ASXL3: variants seen among roughly 807,000 people sequenced by gnomAD.
The protein encoded by ASXL3 is putative Polycomb group protein ASXL3.
Under a neutral mutation model 170.6 loss-of-function variants are expected in ASXL3, and 34 were observed. The observed-to-expected ratio is 0.20, with a 90% confidence interval of 0.15 to 0.27. The LOEUF is 0.27. Ranked by LOEUF, ASXL3 falls within the 10% of genes least tolerant of loss-of-function variation. ASXL3 has a pLI of 1.00. For synonymous variants in ASXL3, 1,002 were observed against 989.1 expected, an observed-to-expected ratio of 1.01 and a Z score of -0.24; for missense variants, 2,592 against 2,695.3, an observed-to-expected ratio of 0.96 and a Z score of 0.85.
At chr18:33,703,667 C>G (rs1189261105) in intron 8 of ASXL3, among the ~76,000 whole-genome samples, 1 of 152,028 alleles carries the variant, frequency 6.6e-6, no homozygotes, top group Admixed American at 6.6e-5. Context: ...CCCCCAACCC[C>G]CACCCCCATC....
chr18:33,597,687 A>G (rs2065141091), intron 1 of ASXL3, among the ~76,000 whole-genome samples: 1 of 152,094 alleles, frequency 6.6e-6, no homozygotes, highest in African/African-American at 2.4e-5. Flanking sequence ...ACACTTGGAC[A>G]AGGAGGCATG....
intron 1 of ASXL3, among the ~76,000 whole-genome samples, chr18:33,591,892 C>T (rs1227971377): frequency 6.6e-6 from 1 of 152,060 alleles, no homozygotes; most frequent in Non-Finnish European, 1.5e-5. Flanking sequence ...CCGCCTGCCT[C>T]AGCCTCCCAA....
intron 1 of ASXL3, among the ~76,000 whole-genome samples, chr18:33,603,880 T>C (rs1345366566): frequency 1.3e-5 from 2 of 152,194 alleles, no homozygotes; most frequent in Admixed American, 1.3e-4. Context: ...TATGTAAAAA[T>C]TGAGCACTGT....
rs181535449 is a variant in ASXL3, at chr18:33,616,882, A to T, written c.137+9206A>T. On this transcript the variant is annotated intron_variant, in intron 2 of 11. Coordinates refer to ENST00000269197, the MANE Select transcript of ASXL3 (RefSeq NM_030632.3). ...ATTGGATCAGGGCCCCATCCTTAGG[A>T]CCTCATTTATCCTTAATCACTTCGC... Among the ~76,000 whole-genome samples the T allele has an allele frequency of 2.0e-4, 31 of 152,166 alleles. No homozygotes were observed. The East Asian group carries it at 3.5e-3, about 17-fold the overall frequency.
chr18:33,632,013 T>C (rs2065684783), intron 2 of ASXL3, among the ~76,000 whole-genome samples: 3 of 151,870 alleles, frequency 2.0e-5, no homozygotes, highest in African/African-American at 7.3e-5. Flanking sequence ...TGTTCAGGAG[T>C]TGGTATATTG....
At chr18:33,680,545 G>A (rs2066498850) in intron 7 of ASXL3, among the ~76,000 whole-genome samples, 1 of 151,990 alleles carries the variant, frequency 6.6e-6, no homozygotes, top group Non-Finnish European at 1.5e-5. Context: ...TCAGGTTTTG[G>A]TAATGTATGT....
At position 33,592,532 on chromosome 18, in the gene ASXL3, C is replaced by T. The variant is rs139092240; in HGVS notation, c.54+13847C>T. On this transcript the variant is annotated intron_variant, in intron 1 of 11. Transcript: ENST00000269197. ...TTATTTCTTTTCTGGTTGTATTGAT[C>T]GCAGAAGCCGGTGACAAGATGGAAT... is the stretch of plus-strand genomic sequence containing the variant. Among the ~76,000 whole-genome samples the T allele has an allele frequency of 5.1e-3, 769 of 152,104 alleles. 8 individuals are homozygous for T. Among genetic ancestry groups the T allele is most frequent in the African/African-American group, 0.017 (703 of 41,500 alleles).
At chr18:33,646,216 A>C (rs757492635) in intron 3 of ASXL3, 29 bp from the exon 4 acceptor site, 1 of 1,579,772 alleles carries the variant, frequency 6.3e-7, no homozygotes, top group Non-Finnish European at 8.7e-7. Flanking sequence ...CATCTTCTCC[A>C]TAAATCATCA....
intron 5 of ASXL3, among the ~76,000 whole-genome samples, chr18:33,669,276 A>T (rs768885589): frequency 6.6e-6 from 1 of 152,192 alleles, no homozygotes; most frequent in Non-Finnish European, 1.5e-5. Flanking sequence ...TATATTAATA[A>T]CAGCAGGCTA....
At chr18:33,619,395 A>G (rs2145149338) in intron 2 of ASXL3, among the ~76,000 whole-genome samples, 1 of 151,806 alleles carries the variant, frequency 6.6e-6, no homozygotes, top group East Asian at 1.9e-4. Flanking sequence ...AAAGACAGGT[A>G]TGTTGAAACT....
At position 33,620,648 on chromosome 18, in the gene ASXL3, T is replaced by G. The variant is rs188879826; in HGVS notation, c.137+12972T>G. On this transcript the variant is annotated intron_variant, in intron 2 of 11. Coordinates refer to ENST00000269197, the MANE Select transcript of ASXL3 (RefSeq NM_030632.3). ...TAAAAGTCATCCAATTATAACTTAATTCCCAAAGTTTTATAAGTTACTTTT... is the reference window on the plus strand; with the variant it reads ...TAAAAGTCATCCAATTATAACTTAAGTCCCAAAGTTTTATAAGTTACTTTT... Among the ~76,000 whole-genome samples the G allele has an allele frequency of 4.6e-5, 7 of 152,312 alleles. No homozygotes were observed. In the East Asian group the frequency reaches 1.4e-3, roughly 29 times the overall value.
chr18:33,616,398 CTG>C (rs34006188), intron 2 of ASXL3, among the ~76,000 whole-genome samples: 37,663 of 149,370 alleles, frequency 0.25, 4,918 homozygotes, highest in African/African-American at 0.29. Context: ...TTGTGTGTGC[CTG>C]TGTGTGTGTG....
chr18:33,705,375 T>A (rs1251399002), intron 8 of ASXL3, among the ~76,000 whole-genome samples: 1 of 151,322 alleles, frequency 6.6e-6, no homozygotes, highest in South Asian at 2.1e-4. Flanking sequence ...TTTTTTTTTT[T>A]AATTTAACTG....
chr18:33,655,489 A>G (rs915552001), intron 4 of ASXL3, among the ~76,000 whole-genome samples: 3 of 151,966 alleles, frequency 2.0e-5, no homozygotes, highest in Non-Finnish European at 1.5e-5. Flanking sequence ...TTATTAATCT[A>G]TTTACTGACT....
At chr18:33,733,404 T>C (rs577963453) in intron 9 of ASXL3, among the ~76,000 whole-genome samples, 1 of 152,306 alleles carries the variant, frequency 6.6e-6, no homozygotes, top group Admixed American at 6.5e-5. Flanking sequence ...CTGATGTCTT[T>C]GACCCTCTTC....
At chr18:33,634,758 T>G (rs1196263131) in intron 2 of ASXL3, among the ~76,000 whole-genome samples, 1 of 152,168 alleles carries the variant, frequency 6.6e-6, no homozygotes, top group Non-Finnish European at 1.5e-5. Flanking sequence ...TGAAATTTTG[T>G]TTTCTGTAAA....
intron 4 of ASXL3, among the ~76,000 whole-genome samples, chr18:33,660,301 T>C (rs1488800369): frequency 6.6e-6 from 1 of 152,182 alleles, no homozygotes; most frequent in Non-Finnish European, 1.5e-5. Context: ...AATTTGTTCA[T>C]TTGTCTTTCT....
intron 4 of ASXL3, among the ~76,000 whole-genome samples, chr18:33,647,839 T>C (rs1599442472): frequency 6.6e-6 from 1 of 151,996 alleles, no homozygotes; most frequent in Non-Finnish European, 1.5e-5. Context: ...TGACAAGTGA[T>C]ATGGGGCAAA....
chr18:33,680,950 G>T (rs1313357158), intron 7 of ASXL3, among the ~76,000 whole-genome samples: 1 of 151,568 alleles, frequency 6.6e-6, no homozygotes, highest in African/African-American at 2.4e-5. Flanking sequence ...TGATTGTTTT[G>T]TGCTTAATTT....
Sources: allele counts gnomAD v4.1 joint callset (sites outside exome capture counted in the v4.1 genomes callset), GRCh38; gene constraint gnomAD v4.1.1; transcripts MANE v1.5; gene names NCBI Gene and HGNC (gene_info 2026-07-23, HGNC 2026-07-21).